The following TENM3 variants were observed in gnomAD, a reference collection of about 807,000 sequenced individuals.
The protein encoded by TENM3 is teneurin transmembrane protein 3.
Under a neutral mutation model 255.1 loss-of-function variants are expected in TENM3, and 63 were observed. That is an observed-to-expected ratio of 0.25 (90% CI 0.20 to 0.30). The LOEUF (loss-of-function observed/expected upper bound fraction) is 0.30, where lower values mean the gene tolerates loss of function less well. TENM3 is among the 10% of genes least tolerant of loss of function. TENM3 has a pLI of 1.00. For synonymous variants in TENM3, 1,306 were observed against 1,322.3 expected (o/e 0.99, Z 0.27); for missense variants, 2,929 against 3,461.1 (o/e 0.85, Z 3.86).
intron 3 of TENM3, among the ~76,000 whole-genome samples, chr4:182,470,663 C>G (rs1331542581): frequency 6.6e-6 from 1 of 152,136 alleles, no homozygotes; most frequent in African/African-American, 2.4e-5. Flanking sequence ...CCTGTAGACA[C>G]CAGGCAAGGA....
intron 3 of TENM3, among the ~76,000 whole-genome samples, chr4:182,465,629 C>T (rs985701020): frequency 1.1e-4 from 16 of 151,978 alleles, no homozygotes; most frequent in African/African-American, 3.4e-4. Flanking sequence ...GAATACTCCC[C>T]CCAGCTATTT....
At chr4:182,090,494 TAAG>T in the TENM3 span, among the ~76,000 whole-genome samples, 3 of 152,134 alleles carry the variant, frequency 2.0e-5, no homozygotes, top group African/African-American at 7.2e-5. Context: ...TGAATAAAGC[TAAG>T]GAGATCATAA....
At chr4:181,883,518 A>C in the TENM3 span, among the ~76,000 whole-genome samples, 9 of 152,182 alleles carry the variant, frequency 5.9e-5, no homozygotes, top group Non-Finnish European at 1.3e-4. Flanking sequence ...TCTGTCGCCC[A>C]GGCTGGAGTG....
At chr4:182,628,935 T>TAA in intron 5 of TENM3, 46 bp downstream of exon 5, 1 of 1,121,360 alleles carries the variant, frequency 8.9e-7, no homozygotes, top group South Asian at 1.4e-5. Flanking sequence ...ATCAGGGTGT[T>TAA]ACATTGTTTT....
At chr4:182,153,896 T>G (rs1750514162) in intron 1 of TENM3, among the ~76,000 whole-genome samples, 1 of 152,136 alleles carries the variant, frequency 6.6e-6, no homozygotes, top group African/African-American at 2.4e-5. Flanking sequence ...ACTTCAACTT[T>G]AAAAAGCCTC....
intron 3 of TENM3, among the ~76,000 whole-genome samples, chr4:182,479,986 T>C (rs965970069): frequency 3.3e-5 from 5 of 151,896 alleles, no homozygotes; most frequent in African/African-American, 9.7e-5. Flanking sequence ...AAGTAAAGAA[T>C]AGTTATTTTT....
the TENM3 span, among the ~76,000 whole-genome samples, chr4:182,006,316 T>C: frequency 1.3e-5 from 2 of 152,312 alleles, no homozygotes; most frequent in Admixed American, 1.3e-4. Context: ...AGCTCCTTTT[T>C]GTATTTTCTG....
At chr4:182,382,741 G>A (rs1767657345) in intron 3 of TENM3, among the ~76,000 whole-genome samples, 1 of 152,178 alleles carries the variant, frequency 6.6e-6, no homozygotes, top group African/African-American at 2.4e-5. Flanking sequence ...AGAGGTCGAA[G>A]CCATAGGCCC....
intron 3 of TENM3, among the ~76,000 whole-genome samples, chr4:182,369,008 G>A (rs1372428384): frequency 1.3e-5 from 2 of 152,108 alleles, no homozygotes; most frequent in Non-Finnish European, 1.5e-5. Flanking sequence ...CTTTGTGTTC[G>A]CTCCAAAATC....
At chr4:182,075,685 A>T in the TENM3 span, among the ~76,000 whole-genome samples, 61 of 152,138 alleles carry the variant, frequency 4.0e-4, no homozygotes, top group Non-Finnish European at 6.6e-4. Flanking sequence ...TTCTTCTGTC[A>T]TTGCTCTGGA....
chr4:182,556,444 A>G (rs1028366709), intron 3 of TENM3, among the ~76,000 whole-genome samples: 3 of 152,224 alleles, frequency 2.0e-5, no homozygotes, highest in Non-Finnish European at 4.4e-5. Context: ...TATGCGAACT[A>G]TCCCAAAATT....
the TENM3 span, among the ~76,000 whole-genome samples, chr4:181,879,771 T>C: frequency 2.0e-5 from 3 of 152,198 alleles, no homozygotes. Context: ...TGAACTCTTA[T>C]TCCCTCTCAT....
the TENM3 span, among the ~76,000 whole-genome samples, chr4:182,101,985 A>G: frequency 8.5e-5 from 13 of 152,222 alleles, no homozygotes; most frequent in Admixed American, 3.9e-4. Flanking sequence ...TAAGCATCCC[A>G]GAGGGAGTGC....
the TENM3 span, among the ~76,000 whole-genome samples, chr4:181,984,386 ATAAG>A: frequency 7.2e-5 from 11 of 152,252 alleles, no homozygotes; most frequent in East Asian, 1.9e-4. Context: ...GCGCTGTAAA[ATAAG>A]TAAGTGCAAA....
chr4:181,728,744 A>G, the TENM3 span, among the ~76,000 whole-genome samples: 1 of 152,076 alleles, frequency 6.6e-6, no homozygotes, highest in Non-Finnish European at 1.5e-5. Context: ...CTCCTATCTC[A>G]CCCTGTGACT....
rs756537050 is a variant in TENM3, at chr4:182,800,359, G to T, written c.*8G>T. On this transcript the variant is annotated 3_prime_UTR_variant, in exon 28 of 28. Coordinates refer to ENST00000511685, the MANE Select transcript of TENM3 (RefSeq NM_001080477.4). ...GAGATCGGCAGGAGGTAACGCCCGGGCCGCGCCCGCCGAGCCGCTCACGCC... is the reference window on the plus strand; with the variant it reads ...GAGATCGGCAGGAGGTAACGCCCGGTCCGCGCCCGCCGAGCCGCTCACGCC... 74 of 1,504,614 alleles carry T rather than the reference G, an allele frequency of 4.9e-5. No homozygotes were observed. Among genetic ancestry groups the T allele is most frequent in the Non-Finnish European group, 6.3e-5 (71 of 1,132,368 alleles). The allele number at this position is 1,504,614 out of a possible 1,614,324, so 93.2% of individuals were successfully genotyped here. A position where few individuals can be genotyped will look rare whatever the true frequency, so the allele number is the denominator to read the frequency against.
At chr4:181,798,673 T>G in the TENM3 span, among the ~76,000 whole-genome samples, 1 of 152,226 alleles carries the variant, frequency 6.6e-6, no homozygotes, top group Admixed American at 6.5e-5. Context: ...TCCCAAGTAA[T>G]GTTTTTTTAT....
chr4:182,582,338 A>G (rs1387502768), intron 3 of TENM3, among the ~76,000 whole-genome samples: 1 of 152,182 alleles, frequency 6.6e-6, no homozygotes, highest in Non-Finnish European at 1.5e-5. Context: ...ATACTCTGTG[A>G]CCATTGCCAG....
At chr4:182,398,389 TACC>T (rs983296716) in intron 3 of TENM3, among the ~76,000 whole-genome samples, 31 of 152,240 alleles carry the variant, frequency 2.0e-4, no homozygotes, top group African/African-American at 7.2e-4. Context: ...ACTGAACAAT[TACC>T]ACAACTTTTT....
Sources: gnomAD v4.1 joint callset for allele counts (sites outside exome capture counted in the v4.1 genomes callset) on GRCh38, gnomAD v4.1.1 for gene constraint, MANE v1.5 for transcripts, NCBI Gene and HGNC (gene_info 2026-07-23, HGNC 2026-07-21) for gene names.